EXOC6B: variants seen among roughly 807,000 people sequenced by gnomAD.
EXOC6B encodes SEC15 homolog B.
In EXOC6B, 54 loss-of-function variants were observed where a neutral mutation model predicts 113.5. The ratio of observed to expected loss-of-function variants is 0.48; its 90% CI spans 0.38 to 0.60. The LOEUF is 0.60. Ranked by LOEUF, EXOC6B falls within the 20% of genes least tolerant of loss-of-function variation. EXOC6B has a pLI of 0.00. For synonymous variants in EXOC6B, 357 were observed against 339.0 expected (o/e 1.05, Z -0.58); for missense variants, 797 against 977.5 (o/e 0.82, Z 2.46).
At chr2:72,272,596 G>A (rs2109963) in intron 20 of EXOC6B, among the ~76,000 whole-genome samples, 68,736 of 152,048 alleles carry the variant, frequency 0.45, 20,272 homozygotes, top group African/African-American at 0.84. Flanking sequence ...ATTTCTCACT[G>A]TTTATTCCTA....
At chr2:72,688,645 T>C (rs1309123740) in intron 6 of EXOC6B, among the ~76,000 whole-genome samples, 1 of 152,160 alleles carries the variant, frequency 6.6e-6, no homozygotes, top group Non-Finnish European at 1.5e-5. Flanking sequence ...GCTAGCAAAC[T>C]GAAGGTTCAG....
intron 19 of EXOC6B, among the ~76,000 whole-genome samples, chr2:72,378,195 A>T (rs536785579): frequency 1.2e-4 from 19 of 152,244 alleles, no homozygotes; most frequent in South Asian, 8.3e-4. Flanking sequence ...CACTCTGCAC[A>T]TGGCTACTAA....
chr2:72,322,261 A>AC (rs1215138679), intron 20 of EXOC6B, among the ~76,000 whole-genome samples: 1 of 152,204 alleles, frequency 6.6e-6, no homozygotes, highest in African/African-American at 2.4e-5. Flanking sequence ...AACTATTGAC[A>AC]CCCCCAACAC....
At position 72,653,920 on chromosome 2, in the gene EXOC6B, T is replaced by C. The variant is rs375709868; in HGVS notation, c.669+64183A>G. On this transcript the variant is annotated intron_variant, in intron 6 of 21. Transcript: ENST00000272427. ...TAGGTCTGGTACAAGTACACTGGTT[T>C]GGAATAACCTTTGATAATGTATTAT... Among the ~76,000 whole-genome samples, 22 of 152,206 alleles carry C rather than the reference T, an allele frequency of 1.4e-4. 2 individuals carry two copies. Among genetic ancestry groups the C allele is most frequent in the African/African-American group, 4.3e-4 (18 of 41,544 alleles).
intron 8 of EXOC6B, among the ~76,000 whole-genome samples, chr2:72,531,768 G>T (rs553770100): frequency 6.6e-6 from 1 of 152,054 alleles, no homozygotes; most frequent in Non-Finnish European, 1.5e-5. Flanking sequence ...GTTAGATCAC[G>T]AGGTCAGGAG....
chr2:72,721,462 T>C (rs1680007978), intron 5 of EXOC6B, among the ~76,000 whole-genome samples: 1 of 122,918 alleles, frequency 8.1e-6, no homozygotes, highest in African/African-American at 3.0e-5. Context: ...TTAACTGATA[T>C]GTGAAAAAAT....
intron 10 of EXOC6B, among the ~76,000 whole-genome samples, chr2:72,514,036 G>A (rs1701082382): frequency 6.6e-6 from 1 of 152,070 alleles, no homozygotes. Flanking sequence ...GTATTGGGAT[G>A]TTTATTTGGG....
At chr2:72,386,650 G>A (rs1692047229) in intron 18 of EXOC6B, among the ~76,000 whole-genome samples, 1 of 152,186 alleles carries the variant, frequency 6.6e-6, no homozygotes, top group Admixed American at 6.5e-5. Flanking sequence ...AGCCTTGGCA[G>A]CTTTCATGTG....
At chr2:72,652,745 T>G (rs1201364819) in intron 6 of EXOC6B, among the ~76,000 whole-genome samples, 1 of 148,122 alleles carries the variant, frequency 6.8e-6, no homozygotes, top group Non-Finnish European at 1.5e-5. Flanking sequence ...ATACTCTATA[T>G]CTAATATATA....
Position 72,465,165 on chromosome 2 carries a change from G to A in EXOC6B, c.1975C>T (p.Leu659Phe), listed in dbSNP as rs572123657. Residue 659 changes from leucine (L) to phenylalanine (F), a missense_variant, in exon 18 of 22, where the codon CTT (leucine) becomes TTT (phenylalanine). Leu to Phe is a conservative substitution (Grantham distance 22, BLOSUM62 0). Transcript: ENST00000272427. ...LRSTFAVFTH[L>F]PGKVAQTACM... ...AGTAAGCAACTGCCACTTACAGGAA[G>A]GTGTGTGAATACAGCAAAGGTGCTA... 5 of 1,609,492 alleles carry A rather than the reference G, an allele frequency of 3.1e-6. No homozygotes were observed. Among genetic ancestry groups the A allele is most frequent in the African/African-American group, 2.7e-5 (2 of 74,926 alleles).
chr2:72,499,533 ATT>A (rs34288011), intron 12 of EXOC6B, among the ~76,000 whole-genome samples: 20 of 138,296 alleles, frequency 1.4e-4, no homozygotes, highest in East Asian at 4.2e-4. Context: ...ACCCAGTCAG[ATT>A]TTTTTTTTTT....
chr2:72,327,168 C>T (rs200778778), intron 20 of EXOC6B, among the ~76,000 whole-genome samples: 1 of 151,960 alleles, frequency 6.6e-6, no homozygotes, highest in Non-Finnish European at 1.5e-5. Flanking sequence ...GGGAACAACC[C>T]TCAAAGAGGT....
chr2:72,754,112 C>T (rs576582460), intron 1 of EXOC6B, among the ~76,000 whole-genome samples: 93 of 152,094 alleles, frequency 6.1e-4, no homozygotes, highest in Non-Finnish European at 1.1e-3. Context: ...GTCTCAAACT[C>T]CTGGGCTCAA....
chr2:72,446,394 T>G (rs1345606283), intron 18 of EXOC6B, among the ~76,000 whole-genome samples: 3 of 143,920 alleles, frequency 2.1e-5, no homozygotes, highest in Non-Finnish European at 4.6e-5. Context: ...AAAAAAAAAA[T>G]GAAAAGAAAG....
rs938308750 is a variant in EXOC6B at position 72,680,893 on chromosome 2, C to G, written c.669+37210G>C. ...GGGAAAAAAGACAGAAGCAAGCAAA[C>G]TTAATGGGAAAAGTTATGGTTCTTT... On this transcript the variant is annotated intron_variant, in intron 6 of 21. Coordinates refer to ENST00000272427, the MANE Select transcript of EXOC6B (RefSeq NM_015189.3). Among the ~76,000 whole-genome samples, 20 of 152,246 alleles carry G rather than the reference C, an allele frequency of 1.3e-4. No homozygotes were observed. In the East Asian group the frequency reaches 3.7e-3, roughly 28 times the overall value.
chr2:72,710,686 T>C (rs1200063649), intron 6 of EXOC6B, among the ~76,000 whole-genome samples: 1 of 152,182 alleles, frequency 6.6e-6, no homozygotes, highest in African/African-American at 2.4e-5. Context: ...ACTCAGTCAA[T>C]AGTACTGTGC....
chr2:72,634,447 G>A (rs1046111940), intron 6 of EXOC6B, among the ~76,000 whole-genome samples: 1 of 152,082 alleles, frequency 6.6e-6, no homozygotes, highest in African/African-American at 2.4e-5. Flanking sequence ...CTATAATTTG[G>A]TGCTCCAACA....
chr2:72,566,623 T>A (rs1704193838), intron 7 of EXOC6B, among the ~76,000 whole-genome samples: 1 of 152,148 alleles, frequency 6.6e-6, no homozygotes, highest in African/African-American at 2.4e-5. Flanking sequence ...AAAGCGACTC[T>A]ATCATTTCAC....
chr2:72,388,609 CTATT>C (rs1692193747), intron 18 of EXOC6B, among the ~76,000 whole-genome samples: 2 of 152,066 alleles, frequency 1.3e-5, no homozygotes, highest in Non-Finnish European at 1.5e-5. Context: ...TACTGATACC[CTATT>C]TATTTTAATA....
Sources: allele counts gnomAD v4.1 joint callset (sites outside exome capture counted in the v4.1 genomes callset), GRCh38; gene constraint gnomAD v4.1.1; transcripts MANE v1.5; gene names NCBI Gene and HGNC (gene_info 2026-07-23, HGNC 2026-07-21).